The following RXFP2 variants were observed in gnomAD, a reference collection of about 807,000 sequenced individuals.
The protein encoded by RXFP2 is relaxin family peptide receptor 2, also known as relaxin receptor 2.
RXFP2 carries 68 observed loss-of-function variants against 88.6 expected under a neutral mutation model. The ratio of observed to expected loss-of-function variants is 0.77; its 90% CI spans 0.63 to 0.94. The LOEUF (loss-of-function observed/expected upper bound fraction) is 0.94, where lower values mean the gene tolerates loss of function less well. Ranked by LOEUF, RXFP2 falls within the 40% of genes least tolerant of loss-of-function variation. The probability of loss-of-function intolerance (pLI) is 0.00; values close to 1 mark genes in which losing one functional copy is unlikely to be tolerated. For missense variants in RXFP2, 791 were observed against 893.9 expected, an observed-to-expected ratio of 0.88 and a Z score of 1.47; for synonymous variants, 329 against 306.8, an observed-to-expected ratio of 1.07 and a Z score of -0.76.
chr13:31,753,261 C>T (rs1003289518), intron 1 of RXFP2, among the ~76,000 whole-genome samples: 5 of 152,092 alleles, frequency 3.3e-5, no homozygotes, highest in Admixed American at 1.3e-4. Context: ...TGTTGTTTCC[C>T]AATAATCCAG....
rs74545763 is a variant in RXFP2 at position 31,773,422 on chromosome 13, CT to C, written c.498-1187del. ...GCTGATAACTGGAAGCCTGTCCTGGCTTTTTTTTTTTCCTTTCTAATAATCT... is the reference window on the plus strand; with the variant it reads ...GCTGATAACTGGAAGCCTGTCCTGGCTTTTTTTTTTCCTTTCTAATAATCT... On this transcript the variant is annotated intron_variant, in intron 5 of 17. Coordinates refer to ENST00000298386, the MANE Select transcript of RXFP2 (RefSeq NM_130806.5). Among the ~76,000 whole-genome samples the C allele has an allele frequency of 9.7e-3, 1,385 of 143,086 alleles. 21 individuals are homozygous for C. Among genetic ancestry groups the C allele is most frequent in the African/African-American group, 0.031 (1,232 of 39,256 alleles). 93.9% of individuals were successfully genotyped at this position (143,086 alleles called of 152,430 possible). A position where few individuals can be genotyped will look rare whatever the true frequency, so the allele number is the denominator to read the frequency against.
At chr13:31,746,081 A>C (rs1243666138) in intron 1 of RXFP2, among the ~76,000 whole-genome samples, 1 of 152,198 alleles carries the variant, frequency 6.6e-6, no homozygotes, top group Non-Finnish European at 1.5e-5. Context: ...ATAATTATCG[A>C]GTTTCCAAGA....
intron 5 of RXFP2, among the ~76,000 whole-genome samples, chr13:31,774,347 G>C (rs148375894): frequency 1.8e-4 from 28 of 152,312 alleles, no homozygotes; most frequent in African/African-American, 5.1e-4. Flanking sequence ...GTGCCAGTTT[G>C]CAGAAACAAG....
chr13:31,777,683 C>T (rs534631303), intron 8 of RXFP2, among the ~76,000 whole-genome samples: 2 of 152,240 alleles, frequency 1.3e-5, no homozygotes, highest in East Asian at 1.9e-4. Flanking sequence ...ATTTTTCTAT[C>T]CCTTTTAATT....
rs185022795 is a variant in RXFP2, at chr13:31,739,916, C to G, written c.94+210C>G. On this transcript the variant is annotated intron_variant, in intron 1 of 17. Coordinates refer to ENST00000298386, the MANE Select transcript of RXFP2 (RefSeq NM_130806.5). Reference sequence around the variant, plus strand: ...GCAACAAATTTTTCATGGAAACAAGCCTTTGTATGTTATTAAAGCTGTAGA... The same window carrying G: ...GCAACAAATTTTTCATGGAAACAAGGCTTTGTATGTTATTAAAGCTGTAGA... Among the ~76,000 whole-genome samples the G allele has an allele frequency of 9.1e-4, 139 of 152,046 alleles. 1 individual carries two copies. The highest frequency in any genetic ancestry group is 7.9e-4 in the Admixed American group (12 of 15,266).
rs766282551 is a variant in RXFP2 at position 31,778,523 on chromosome 13, A to G, written c.725A>G (p.Asn242Ser). The G allele has an allele frequency of 7.5e-6, 12 of 1,607,310 alleles. No homozygotes were observed. Among genetic ancestry groups the G allele is most frequent in the Non-Finnish European group, 9.4e-6 (11 of 1,174,054 alleles). ...TTCTTTGTGTAAAGGTCTATGGTTA[A>G]TAACTACTTAGAAGCTCTTCCCAAG... Reference protein sequence around the residue: ...LNSLFFLSMVNNYLEALPKQM... With the variant: ...LNSLFFLSMVSNYLEALPKQM... Residue 242 changes from asparagine to serine, a missense_variant, in exon 9 of 18, where the codon AAT (asparagine) becomes AGT (serine). Physicochemically the swap from Asn to Ser is conservative, Grantham distance 46 (BLOSUM62 1). Transcript: ENST00000298386.
chr13:31,792,018 C>T lies in RXFP2; in HGVS notation c.1358C>T (p.Ser453Phe). 1.2e-6 allele frequency: 2 copies of T among 1,611,084 alleles called. No individual in the cohort carries two copies. Among genetic ancestry groups the T allele is most frequent in the Admixed American group, 1.7e-5 (1 of 60,016 alleles). ...IKAENTTHAM[S>F]IKILCCADCL... is the part of the protein sequence containing the mutation. ...GCTGAAAATACAACTCACGCTATGT[C>T]CATCAAAATCCTTTGTTGTAAGTAT... Residue 453 changes from serine (S) to phenylalanine (F), a missense_variant, in exon 15 of 18, where the codon TCC becomes TTC. Ser to Phe is a radical substitution (Grantham distance 155). Transcript: ENST00000298386.
At chr13:31,762,652 A>T (rs1872353859) in intron 3 of RXFP2, among the ~76,000 whole-genome samples, 3 of 152,180 alleles carry the variant, frequency 2.0e-5, no homozygotes, top group African/African-American at 4.8e-5. Context: ...ATGTATATAT[A>T]TAACATATAT....
rs924044365 is a variant in RXFP2 at position 31,765,172 on chromosome 13, T to G, written c.425+30T>G. 3.0e-6 allele frequency: 4 copies of G among 1,311,688 alleles called. No homozygotes were observed. In the African/African-American group the frequency reaches 5.8e-5, roughly 19 times the overall value. The allele number at this position is 1,311,688 out of a possible 1,614,324, so 81.3% of individuals were successfully genotyped here. A position where few individuals can be genotyped will look rare whatever the true frequency, so the allele number is the denominator to read the frequency against. ...GTAAAACTTAATTATTGGTGATATC[T>G]GTCCCTATAGTCACATGAAAACCAA... On this transcript the variant is annotated intron_variant, in intron 4 of 17. Transcript: ENST00000298386.
chr13:31,775,694 G>A (rs556065745), intron 7 of RXFP2, among the ~76,000 whole-genome samples: 3 of 152,272 alleles, frequency 2.0e-5, no homozygotes, highest in Non-Finnish European at 4.4e-5. Flanking sequence ...TGTCCCTTGG[G>A]AGGAAAAATT....
rs764255499 is a variant in RXFP2, at chr13:31,758,273, A to C, written c.110A>C (p.Gln37Pro). 4.3e-6 allele frequency: 7 copies of C among 1,614,066 alleles called. No individual in the cohort carries two copies. In the South Asian group the frequency reaches 7.7e-5, roughly 18 times the overall value. Residue 37 changes from glutamine to proline, a missense_variant, in exon 2 of 18, where the codon CAA becomes CCA. Transcript: ENST00000298386. ...TTTCATGTAGATTTTGCACTGACTC[A>C]AGGTAGCATGATCACTCCTTCATGC... The part of the protein sequence containing the change: ...LINVKDFALT[Q>P]GSMITPSCQK...
intron 5 of RXFP2, among the ~76,000 whole-genome samples, chr13:31,773,367 G>A (rs773662819): frequency 1.2e-4 from 18 of 151,844 alleles, no homozygotes; most frequent in Non-Finnish European, 1.2e-4. Flanking sequence ...GACCGTATTT[G>A]TAAAGTACTT....
At position 31,803,268 on chromosome 13, in the gene RXFP2, T is replaced by G. The variant is rs1874438989; in HGVS notation, c.*863T>G. ...TTTGGGACTGTTTGCATACTCACAA[T>G]GGTTTTGTTCTCATTGTTTTTAACA... On this transcript the variant is annotated 3_prime_UTR_variant, in exon 18 of 18. Transcript: ENST00000298386. 6.6e-6 allele frequency: 1 copy of G among 152,218 alleles called. No homozygotes were observed. The highest frequency in any genetic ancestry group is 1.5e-5 in the Non-Finnish European group (1 of 68,032). 9.4% of individuals were successfully genotyped at this position (152,218 alleles called of 1,614,324 possible).
chr13:31,752,467 A>G (rs1014959631), intron 1 of RXFP2, among the ~76,000 whole-genome samples: 2 of 152,168 alleles, frequency 1.3e-5, no homozygotes, highest in African/African-American at 4.8e-5. Context: ...ACTTCTGAAT[A>G]TAACGATTGA....
chr13:31,794,199 C>T (rs986203721), intron 16 of RXFP2, among the ~76,000 whole-genome samples: 2 of 152,178 alleles, frequency 1.3e-5, no homozygotes, highest in Non-Finnish European at 2.9e-5. Context: ...GTTTGCACCA[C>T]TTTAGTAATA....
intron 1 of RXFP2, among the ~76,000 whole-genome samples, chr13:31,751,675 G>A (rs1212027951): frequency 6.6e-6 from 1 of 152,210 alleles, no homozygotes; most frequent in Non-Finnish European, 1.5e-5. Flanking sequence ...AGCAGTCAAT[G>A]AATCAGAGAA....
rs1566228755 is a variant in RXFP2, at chr13:31,777,462, AC to A, written c.713+17del. ...TTGTTTTTCCTGTAAGTATTCATCA[AC>A]CTTTCAATACATCTATCGATACATT... On this transcript the variant is annotated intron_variant, in intron 8 of 17. Transcript: ENST00000298386. 9.8e-6 allele frequency: 15 copies of A among 1,535,624 alleles called. No individual in the cohort carries two copies. The South Asian group carries it at 1.7e-4, about 17-fold the overall frequency.
chr13:31,783,793 GT>G (rs869128642), intron 11 of RXFP2, among the ~76,000 whole-genome samples: 1 of 96,004 alleles, frequency 1.0e-5, no homozygotes, highest in Non-Finnish European at 2.3e-5. Flanking sequence ...AAACAGAGGG[GT>G]TTTTTGTTTG....
chr13:31,793,050 A>G lies in RXFP2; in HGVS notation c.1748A>G (p.Asp583Gly). 6.2e-7 allele frequency: 1 copy of G among 1,613,376 alleles called. No individual in the cohort carries two copies. Among genetic ancestry groups the G allele is most frequent in the Non-Finnish European group, 8.5e-7 (1 of 1,179,384 alleles). Residue 583 changes from aspartate to glycine, a missense_variant, in exon 16 of 18, where the codon GAT (aspartate) becomes GGT (glycine). Transcript: ENST00000298386. ...CCACTTTATTATGACCAAACAGAAG[A>G]TATTGGAAGCAAAGGGTATTCTCTT... ...CFPLYYDQTE[D>G]IGSKGYSLGI...
Sources: gnomAD v4.1 joint callset for allele counts (sites outside exome capture counted in the v4.1 genomes callset) on GRCh38, gnomAD v4.1.1 for gene constraint, MANE v1.5 for transcripts, NCBI Gene and HGNC (gene_info 2026-07-23, HGNC 2026-07-21) for gene names.